The following NFIA variants were observed in gnomAD, a reference collection of about 807,000 sequenced individuals.
NFIA encodes nuclear factor I A, also known as nuclear factor 1 A-type.
A neutral mutation model predicts 62.8 loss-of-function variants in NFIA; 8 were observed. The ratio of observed to expected loss-of-function variants is 0.13; its 90% confidence interval spans 0.07 to 0.23. The LOEUF (loss-of-function observed/expected upper bound fraction) is 0.23, where lower values mean the gene tolerates loss of function less well. Among genes scored for constraint, NFIA ranks in the 10% least tolerant of loss-of-function variants. NFIA has a pLI of 1.00. For missense variants in NFIA, 410 were observed against 642.1 expected (o/e 0.64, Z 3.91); for synonymous variants, 235 against 238.1 (o/e 0.99, Z 0.12).
intron 2 of NFIA, among the ~76,000 whole-genome samples, chr1:61,137,158 C>A (rs933854997): frequency 2.0e-4 from 31 of 152,126 alleles, no homozygotes; most frequent in Non-Finnish European, 4.3e-4. Context: ...GAAAAGGTGA[C>A]TCAAACATAA....
At chr1:61,345,497 G>A (rs925135677) in intron 4 of NFIA, among the ~76,000 whole-genome samples, 10 of 151,138 alleles carry the variant, frequency 6.6e-5, no homozygotes, top group Non-Finnish European at 1.2e-4. Context: ...GTGGTATGGT[G>A]AGGATCAGGA....
At chr1:61,158,008 T>A (rs767921498) in intron 2 of NFIA, among the ~76,000 whole-genome samples, 4 of 152,200 alleles carry the variant, frequency 2.6e-5, no homozygotes, top group Non-Finnish European at 5.9e-5. Flanking sequence ...TTCAGAGGGA[T>A]AAACCACTAA....
At position 61,370,538 on chromosome 1, in the gene NFIA, C is replaced by G. The variant is rs370587294; in HGVS notation, c.946+11264C>G. ...TGGCAAAGCTCATTAAATATTAATACAATTAATTGGCTTCCCTCTTCAGAG... is the reference window on the plus strand; with the variant it reads ...TGGCAAAGCTCATTAAATATTAATAGAATTAATTGGCTTCCCTCTTCAGAG... On this transcript the variant is annotated intron_variant, in intron 6 of 10. Coordinates refer to ENST00000403491, the MANE Select transcript of NFIA (RefSeq NM_001134673.4). Among the ~76,000 whole-genome samples, 8 of 152,290 alleles carry G rather than the reference C, an allele frequency of 5.3e-5. No homozygotes were observed. The South Asian group carries it at 8.3e-4, about 16-fold the overall frequency.
chr1:61,286,657 T>C (rs929730202), intron 3 of NFIA, among the ~76,000 whole-genome samples: 4 of 152,200 alleles, frequency 2.6e-5, no homozygotes, highest in African/African-American at 9.6e-5. Flanking sequence ...ATCCTACTCT[T>C]AATTTAGCTT....
At chr1:61,234,407 A>AG (rs1654864627) in intron 2 of NFIA, among the ~76,000 whole-genome samples, 2 of 150,304 alleles carry the variant, frequency 1.3e-5, no homozygotes, top group South Asian at 4.2e-4. Context: ...CTGAGACCAC[A>AG]GACCCAGCTT....
At chr1:61,135,370 A>G (rs1215491381) in intron 2 of NFIA, among the ~76,000 whole-genome samples, 1 of 152,178 alleles carries the variant, frequency 6.6e-6, no homozygotes, top group Non-Finnish European at 1.5e-5. Context: ...CTAAATTTTT[A>G]TCATGCCTTC....
At chr1:61,378,664 C>T (rs551987087) in intron 6 of NFIA, among the ~76,000 whole-genome samples, 5 of 152,178 alleles carry the variant, frequency 3.3e-5, no homozygotes, top group African/African-American at 1.2e-4. Flanking sequence ...CACGGCTGAA[C>T]TAGATCTTCT....
At chr1:61,273,369 C>T (rs945178683) in intron 2 of NFIA, among the ~76,000 whole-genome samples, 10 of 152,108 alleles carry the variant, frequency 6.6e-5, no homozygotes, top group African/African-American at 2.4e-4. Flanking sequence ...TGATTGTCTG[C>T]AATTTCTAAA....
chr1:61,092,916 G>A (rs1256090443), intron 2 of NFIA, among the ~76,000 whole-genome samples: 1 of 152,156 alleles, frequency 6.6e-6, no homozygotes, highest in Non-Finnish European at 1.5e-5. Flanking sequence ...CATCCAGGCT[G>A]CACAGAGTGC....
intron 2 of NFIA, among the ~76,000 whole-genome samples, chr1:61,270,892 A>G (rs547050049): frequency 6.6e-6 from 1 of 152,344 alleles, no homozygotes; most frequent in South Asian, 2.1e-4. Flanking sequence ...ACAAAATTCA[A>G]AATGATTACC....
intron 2 of NFIA, among the ~76,000 whole-genome samples, chr1:61,089,500 C>A (rs1352730994): frequency 1.3e-5 from 2 of 151,922 alleles, no homozygotes; most frequent in Non-Finnish European, 2.9e-5. Flanking sequence ...TTGTTCCTTT[C>A]GTCTTGTTTT....
chr1:61,125,697 A>T (rs921206234), intron 2 of NFIA, among the ~76,000 whole-genome samples: 4 of 152,242 alleles, frequency 2.6e-5, no homozygotes, highest in Non-Finnish European at 5.9e-5. Context: ...CTAAGAAGAA[A>T]AACAAGAGCA....
Position 61,459,537 on chromosome 1 carries a change from CGT to C in NFIA, c.*4218_*4219del, listed in dbSNP as rs1668449287. ...GTGTGGTCAGCCCGCTCCCCAGGCC[CGT>C]CCCTGCCGCCGCCAGGTGTGGGCTC... is the stretch of plus-strand genomic sequence containing the variant. On this transcript the variant is annotated 3_prime_UTR_variant, in exon 11 of 11. Coordinates refer to ENST00000403491, the MANE Select transcript of NFIA (RefSeq NM_001134673.4). 1.3e-5 allele frequency: 2 copies of C among 152,418 alleles called. No individual in the cohort carries two copies. The highest frequency in any genetic ancestry group is 4.1e-4 in the South Asian group (2 of 4,826). The allele number at this position is 152,418 out of a possible 1,614,324, so 9.4% of individuals were successfully genotyped here. A position where few individuals can be genotyped will look rare whatever the true frequency, so the allele number is the denominator to read the frequency against.
In NFIA at chr1:61,462,378, C is replaced by T. The variant is rs1314840043; in HGVS notation, c.*7058C>T. ...CACCACACATGGAAATCTGTCCACT[C>T]GGAATACCTCTGTTTTCCATTTCAA... On this transcript the variant is annotated 3_prime_UTR_variant, in exon 11 of 11. Coordinates refer to ENST00000403491, the MANE Select transcript of NFIA (RefSeq NM_001134673.4). The T allele has an allele frequency of 6.6e-6, 1 of 152,160 alleles. No homozygotes were observed. The highest frequency in any genetic ancestry group is 1.9e-4 in the East Asian group (1 of 5,194). The allele number at this position is 152,160 out of a possible 1,614,324, so 9.4% of individuals were successfully genotyped here.
At chr1:61,083,900 C>G (rs1393815726) in intron 1 of NFIA, among the ~76,000 whole-genome samples, 1 of 152,152 alleles carries the variant, frequency 6.6e-6, no homozygotes, top group Non-Finnish European at 1.5e-5. Context: ...CCGTGCCCCC[C>G]TGTCCATTCC....
At chr1:61,297,707 G>A (rs540062892) in intron 3 of NFIA, among the ~76,000 whole-genome samples, 1 of 152,170 alleles carries the variant, frequency 6.6e-6, no homozygotes, top group East Asian at 1.9e-4. Flanking sequence ...TTATGCAGGT[G>A]ATAGGCAGGT....
intron 7 of NFIA, among the ~76,000 whole-genome samples, chr1:61,398,127 C>T (rs908998475): frequency 1.3e-5 from 2 of 152,202 alleles, no homozygotes; most frequent in African/African-American, 4.8e-5. Context: ...TGAAAATAAA[C>T]TTTTATTGGA....
chr1:61,102,866 G>A (rs1033485953), intron 2 of NFIA, among the ~76,000 whole-genome samples: 11 of 152,156 alleles, frequency 7.2e-5, no homozygotes, highest in Admixed American at 7.2e-4. Context: ...AAATTCTAAC[G>A]CATCAGCCTC....
At position 61,420,332 on chromosome 1, in the gene NFIA, C is replaced by T. The variant is rs557993516; in HGVS notation, c.1421-6133C>T. On this transcript the variant is annotated intron_variant, in intron 9 of 10. Transcript: ENST00000403491. ...AGAAATTAGCCGATATATTTTCTAA[C>T]AGTTTCTGCATTATTTTTAGAAATG... Among the ~76,000 whole-genome samples the T allele has an allele frequency of 4.0e-5, 6 of 150,854 alleles. No homozygotes were observed. In the South Asian group the frequency reaches 1.3e-3, roughly 31 times the overall value.
Sources: allele counts gnomAD v4.1 joint callset (sites outside exome capture counted in the v4.1 genomes callset), GRCh38; gene constraint gnomAD v4.1.1; transcripts MANE v1.5; gene names NCBI Gene and HGNC (gene_info 2026-07-23, HGNC 2026-07-21).